The following ATP8A2 variants were observed in gnomAD, a reference collection of about 807,000 sequenced individuals.
ATP8A2 encodes the protein phospholipid-transporting ATPase IB.
Under a neutral mutation model 165.6 loss-of-function variants are expected in ATP8A2, and 100 were observed. The ratio of observed to expected loss-of-function variants is 0.60; its 90% CI spans 0.51 to 0.71. The LOEUF (loss-of-function observed/expected upper bound fraction) is 0.71. Ranked by LOEUF, ATP8A2 falls within the 30% of genes least tolerant of loss-of-function variation. The probability of loss-of-function intolerance (pLI) is 0.00; values close to 1 mark genes in which losing one functional copy is unlikely to be tolerated. For synonymous variants in ATP8A2, 543 were observed against 548.8 expected, an observed-to-expected ratio of 0.99 and a Z score of 0.15; for missense variants, 1,227 against 1,479.5, an observed-to-expected ratio of 0.83 and a Z score of 2.80.
intron 24 of ATP8A2, among the ~76,000 whole-genome samples, chr13:25,679,971 G>A (rs1470201556): frequency 6.6e-6 from 1 of 152,184 alleles, no homozygotes; most frequent in African/African-American, 2.4e-5. Context: ...CCAGTCTAGA[G>A]TGATTCACAG....
At position 25,743,185 on chromosome 13, in the gene ATP8A2, G is replaced by A. The variant is rs565737370; in HGVS notation, c.2385-25861G>A. 2.9e-4 allele frequency among the ~76,000 whole-genome samples: 44 copies of A among 152,172 alleles called. 1 individual carries two copies. In the South Asian group the frequency reaches 8.9e-3, roughly 31 times the overall value. ...TTGGACACAGGCACACAGGAAGAAC[G>A]TCATGTGAAGATGAAGGCAGAGGTT... On this transcript the variant is annotated intron_variant, in intron 25 of 36. Coordinates refer to ENST00000381655, the MANE Select transcript of ATP8A2 (RefSeq NM_016529.6).
At chr13:25,822,058 T>C (rs1951194624) in intron 27 of ATP8A2, among the ~76,000 whole-genome samples, 1 of 152,210 alleles carries the variant, frequency 6.6e-6, no homozygotes, top group Non-Finnish European at 1.5e-5. Flanking sequence ...TGCACAGTCA[T>C]GGCCATTCAA....
At chr13:25,776,544 A>G (rs561139527) in intron 27 of ATP8A2, among the ~76,000 whole-genome samples, 1 of 152,294 alleles carries the variant, frequency 6.6e-6, no homozygotes, top group African/African-American at 2.4e-5. Flanking sequence ...GAGAACTTGT[A>G]GATATTGGTG....
intron 30 of ATP8A2, among the ~76,000 whole-genome samples, chr13:25,858,201 A>G (rs1422375732): frequency 1.3e-5 from 2 of 152,206 alleles, no homozygotes; most frequent in Non-Finnish European, 2.9e-5. Context: ...AGTTCCTGAA[A>G]AGTGAACTCC....
chr13:25,944,853 A>G (rs560604979), intron 33 of ATP8A2: 1 of 152,358 alleles, frequency 6.6e-6, no homozygotes, highest in African/African-American at 2.4e-5. Flanking sequence ...CCTGGATTCA[A>G]ATCCTGAGGT....
At chr13:25,487,467 A>T (rs907417980) in intron 2 of ATP8A2, among the ~76,000 whole-genome samples, 2 of 152,204 alleles carry the variant, frequency 1.3e-5, no homozygotes, top group East Asian at 3.9e-4. Context: ...TATAGTTCAT[A>T]GGAATTTTTT....
At chr13:25,899,515 AG>A (rs1433769066) in intron 33 of ATP8A2, among the ~76,000 whole-genome samples, 1 of 152,238 alleles carries the variant, frequency 6.6e-6, no homozygotes, top group African/African-American at 2.4e-5. Flanking sequence ...TACTTCCTGC[AG>A]ATGGCAGGGA....
chr13:25,586,224 A>G, intron 23 of ATP8A2, among the ~76,000 whole-genome samples: 1 of 152,200 alleles, frequency 6.6e-6, no homozygotes, highest in East Asian at 1.9e-4. Flanking sequence ...CACAGTGTTC[A>G]TTTCTCAGAA....
intron 2 of ATP8A2, among the ~76,000 whole-genome samples, chr13:25,487,716 G>A (rs2036395748): frequency 6.6e-6 from 1 of 152,162 alleles, no homozygotes; most frequent in Non-Finnish European, 1.5e-5. Context: ...GAACAAACTA[G>A]AAATGTTTTC....
intron 26 of ATP8A2, among the ~76,000 whole-genome samples, chr13:25,771,946 T>G (rs1049088729): frequency 1.3e-5 from 2 of 152,214 alleles, no homozygotes; most frequent in African/African-American, 4.8e-5. Flanking sequence ...GATGCATTTT[T>G]TTTATTACGC....
chr13:25,999,539 C>G (rs1179874203), intron 35 of ATP8A2, among the ~76,000 whole-genome samples: 2 of 152,166 alleles, frequency 1.3e-5, no homozygotes, highest in African/African-American at 4.8e-5. Flanking sequence ...CTGCCCTGCT[C>G]CAAGTTCTTC....
intron 33 of ATP8A2, among the ~76,000 whole-genome samples, chr13:25,874,299 C>A (rs1294593252): frequency 9.2e-5 from 14 of 152,214 alleles, no homozygotes; most frequent in Non-Finnish European, 2.1e-4. Context: ...GCTCCTCTCA[C>A]TTCCTGACTG....
intron 24 of ATP8A2, among the ~76,000 whole-genome samples, chr13:25,614,744 G>GA (rs1309542385): frequency 6.6e-6 from 1 of 152,144 alleles, no homozygotes; most frequent in Non-Finnish European, 1.5e-5. Flanking sequence ...GGCTTCCTGA[G>GA]ACCTGAACTG....
rs200607196 is a variant in ATP8A2, at chr13:25,571,714, A to G, written c.1662+22A>G. On this transcript the variant is annotated intron_variant, in intron 18 of 36. Coordinates refer to ENST00000381655, the MANE Select transcript of ATP8A2 (RefSeq NM_016529.6). ...AGCGGTGAGTAACATGCGTGTGCAC[A>G]TTTCAGATCACCTGCTTTTGTGAAG... 121 of 1,584,946 alleles carry G rather than the reference A, an allele frequency of 7.6e-5. 1 individual carries two copies. The highest frequency in any genetic ancestry group is 2.8e-4 in the Admixed American group (17 of 59,994).
chr13:25,804,323 T>C (rs1950684383), intron 27 of ATP8A2, among the ~76,000 whole-genome samples: 1 of 152,124 alleles, frequency 6.6e-6, no homozygotes, highest in Admixed American at 6.5e-5. Context: ...TAGAAATAAG[T>C]GGTGCCTGTT....
At chr13:25,530,524 A>G (rs777387474) in intron 3 of ATP8A2, 38 bp from the exon 4 acceptor site, 2 of 1,249,070 alleles carry the variant, frequency 1.6e-6, no homozygotes, top group African/African-American at 3.0e-5. Flanking sequence ...AGGATTTTTA[A>G]TGTGCCAACT....
At chr13:25,977,056 C>T (rs1290235031) in intron 35 of ATP8A2, among the ~76,000 whole-genome samples, 2 of 147,632 alleles carry the variant, frequency 1.4e-5, no homozygotes, top group East Asian at 2.1e-4. Context: ...CCTTCCCTGC[C>T]CTCGGCCTCC....
At chr13:25,826,225 T>G (rs1951309666) in intron 27 of ATP8A2, among the ~76,000 whole-genome samples, 1 of 152,094 alleles carries the variant, frequency 6.6e-6, no homozygotes, top group South Asian at 2.1e-4. Flanking sequence ...TTATAAAGGG[T>G]CAATTTACAA....
At chr13:25,872,900 C>CA (rs1555282214) in intron 33 of ATP8A2, among the ~76,000 whole-genome samples, 2 of 144,908 alleles carry the variant, frequency 1.4e-5, no homozygotes, top group Non-Finnish European at 3.0e-5. Context: ...GTTTGTGTTC[C>CA]TTTTTTTTTT....
Sources: gnomAD v4.1 joint callset for allele counts (sites outside exome capture counted in the v4.1 genomes callset) on GRCh38, gnomAD v4.1.1 for gene constraint, MANE v1.5 for transcripts, NCBI Gene and HGNC (gene_info 2026-07-23, HGNC 2026-07-21) for gene names.